Variants in SENP5 observed in about 807,000 individuals in gnomAD.
The protein encoded by SENP5 is SUMO specific peptidase 5.
A neutral mutation model predicts 74.2 loss-of-function variants in SENP5; 21 were observed. The observed-to-expected ratio is 0.28, with a 90% CI of 0.20 to 0.41. The LOEUF (loss-of-function observed/expected upper bound fraction) is 0.41, where lower values mean the gene tolerates loss of function less well. Ranked by LOEUF, SENP5 falls within the 10% of genes least tolerant of loss-of-function variation. The pLI, the probability that SENP5 is intolerant of heterozygous loss-of-function variation, is 1.00. For synonymous variants in SENP5, 311 were observed against 312.7 expected (o/e 0.99, Z 0.06); for missense variants, 717 against 889.1 (o/e 0.81, Z 2.46).
chr3:196,901,894 G>A (rs1008509635), intron 5 of SENP5, among the ~76,000 whole-genome samples: 1 of 152,152 alleles, frequency 6.6e-6, no homozygotes, highest in African/African-American at 2.4e-5. Context: ...CTCAAAGCAT[G>A]GTCCCCATAC....
At chr3:196,919,610 AT>A (rs1715528090) in intron 6 of SENP5, among the ~76,000 whole-genome samples, 1 of 152,158 alleles carries the variant, frequency 6.6e-6, no homozygotes, top group South Asian at 2.1e-4. Context: ...CCTGACCAAC[AT>A]GGAGAAACCC....
chr3:196,926,481 CAA>C (rs56334033), intron 7 of SENP5, among the ~76,000 whole-genome samples: 26,449 of 125,326 alleles, frequency 0.21, 2,803 homozygotes, highest in Admixed American at 0.26. Context: ...GACTCCGTCT[CAA>C]AAAAAAAAAA....
chr3:196,868,415 A>T (rs935869928), intron 1 of SENP5, among the ~76,000 whole-genome samples: 1 of 152,166 alleles, frequency 6.6e-6, no homozygotes, highest in African/African-American at 2.4e-5. Context: ...GCCGCCGTGG[A>T]AGTCCGGGGT....
intron 1 of SENP5, among the ~76,000 whole-genome samples, chr3:196,875,352 A>G (rs915260312): frequency 1.3e-5 from 2 of 152,190 alleles, no homozygotes; most frequent in African/African-American, 4.8e-5. Flanking sequence ...CCTGTAACAG[A>G]TTCCTAATGG....
chr3:196,911,367 AAAAT>A (rs1293929939), intron 6 of SENP5, among the ~76,000 whole-genome samples: 16 of 152,306 alleles, frequency 1.1e-4, no homozygotes, highest in Admixed American at 4.6e-4. Flanking sequence ...ATTTACAAGA[AAAAT>A]AAACCATCAG....
chr3:196,890,767 G>C (rs1479382476), intron 2 of SENP5, among the ~76,000 whole-genome samples: 2 of 152,302 alleles, frequency 1.3e-5, no homozygotes, highest in East Asian at 3.9e-4. Context: ...GAAAAGAAAG[G>C]TCTGAGTCTA....
chr3:196,892,361 G>A (rs1714247348), intron 2 of SENP5, among the ~76,000 whole-genome samples: 2 of 151,176 alleles, frequency 1.3e-5, no homozygotes, highest in Admixed American at 6.6e-5. Flanking sequence ...TGGCCAGGCT[G>A]GTCTTGAACT....
intron 1 of SENP5, among the ~76,000 whole-genome samples, chr3:196,869,088 C>A: frequency 6.6e-6 from 1 of 151,560 alleles, no homozygotes; most frequent in South Asian, 2.1e-4. Flanking sequence ...TGGCTTATAT[C>A]AGTTTTGATC....
In SENP5 at chr3:196,929,617, T is replaced by C. The variant is rs1295519389; in HGVS notation, c.2107-16T>C. Reference sequence around the variant, plus strand: ...AATGGATCTTGTTTTAATGACTATTTTGTTTTTCCCTTCAGTGTATTCCAC... The same window carrying C: ...AATGGATCTTGTTTTAATGACTATTCTGTTTTTCCCTTCAGTGTATTCCAC... On this transcript the variant is annotated splice_polypyrimidine_tract_variant and intron_variant, in intron 8 of 9. Transcript: ENST00000323460. 6.5e-7 allele frequency: 1 copy of C among 1,549,610 alleles called. No individual in the cohort carries two copies. Among genetic ancestry groups the C allele is most frequent in the African/African-American group, 1.4e-5 (1 of 73,202 alleles).
intron 2 of SENP5, among the ~76,000 whole-genome samples, chr3:196,897,570 T>C (rs1577816995): frequency 6.6e-6 from 1 of 152,230 alleles, no homozygotes; most frequent in East Asian, 1.9e-4. Flanking sequence ...AATTGTTCAC[T>C]TCTTTGTCTG....
chr3:196,932,756 T>TG lies in SENP5; in HGVS notation c.*1834dup, dbSNP rs1716082607. ...TTTTTTTTTTTTTTTTTTTTTTTTT[T>TG]GTGGGGGTGTGGTATACCAAAGTAG... is the stretch of plus-strand genomic sequence containing the variant. On this transcript the variant is annotated 3_prime_UTR_variant, in exon 10 of 10. Coordinates refer to ENST00000323460, the MANE Select transcript of SENP5 (RefSeq NM_152699.5). The TG allele has an allele frequency of 2.6e-5, 3 of 115,406 alleles. No homozygotes were observed. The highest frequency in any genetic ancestry group is 9.6e-5 in the African/African-American group (3 of 31,358). 7.1% of individuals were successfully genotyped at this position (115,406 alleles called of 1,614,324 possible). A position where few individuals can be genotyped will look rare whatever the true frequency, so the allele number is the denominator to read the frequency against.
intron 8 of SENP5, 112 bp downstream of exon 8, chr3:196,927,991 T>G: frequency 1.6e-6 from 1 of 632,830 alleles, no homozygotes; most frequent in Non-Finnish European, 2.7e-6. Context: ...AAGGAGAGCC[T>G]GGAGGCTCCA....
intron 6 of SENP5, among the ~76,000 whole-genome samples, chr3:196,909,209 C>G (rs1389605888): frequency 6.6e-6 from 1 of 152,084 alleles, no homozygotes; most frequent in East Asian, 1.9e-4. Context: ...AAGACTAAAT[C>G]AGGAAGAAGT....
chr3:196,889,433 G>A (rs979953779), intron 2 of SENP5, among the ~76,000 whole-genome samples: 3 of 152,192 alleles, frequency 2.0e-5, no homozygotes, highest in Admixed American at 2.0e-4. Flanking sequence ...GAATTCATGT[G>A]TAGTGACAAT....
chr3:196,917,561 G>C (rs1715433645), intron 6 of SENP5, among the ~76,000 whole-genome samples: 1 of 152,090 alleles, frequency 6.6e-6, no homozygotes, highest in African/African-American at 2.4e-5. Context: ...AATCCTAAAA[G>C]CAGCAAGAGA....
chr3:196,876,609 GAT>G (rs1039799323), intron 1 of SENP5, among the ~76,000 whole-genome samples: 5 of 151,188 alleles, frequency 3.3e-5, no homozygotes, highest in African/African-American at 1.2e-4. Flanking sequence ...GACAAAGTCA[GAT>G]AGATGTGATG....
chr3:196,919,724 C>T (rs540751968), intron 6 of SENP5, among the ~76,000 whole-genome samples: 34 of 150,980 alleles, frequency 2.3e-4, no homozygotes, highest in Non-Finnish European at 3.4e-4. Context: ...ACCCAGGAGG[C>T]GGAGGTTGCA....
At chr3:196,914,586 A>AAAAATATATATATATATAT in intron 6 of SENP5, 2 of 33,500 alleles carry the variant, frequency 6.0e-5, no homozygotes, top group African/African-American at 1.8e-4. Context: ...AAAAAAAAAA[A>AAAAATATATATATATATAT]ATATATATAT....
At chr3:196,925,025 G>T (rs1715759924) in intron 7 of SENP5, among the ~76,000 whole-genome samples, 1 of 152,140 alleles carries the variant, frequency 6.6e-6, no homozygotes, top group African/African-American at 2.4e-5. Flanking sequence ...ATACATGCAG[G>T]TGTATGTGTA....
Sources: allele counts gnomAD v4.1 joint callset (sites outside exome capture counted in the v4.1 genomes callset), GRCh38; gene constraint gnomAD v4.1.1; transcripts MANE v1.5; gene names NCBI Gene and HGNC (gene_info 2026-07-23, HGNC 2026-07-21).